The following MB21D2 variants were observed in gnomAD, a reference collection of about 807,000 sequenced individuals.
MB21D2 encodes the protein nucleotidyltransferase MB21D2.
A neutral mutation model predicts 33.3 loss-of-function variants in MB21D2; 9 were observed. That is an observed-to-expected ratio of 0.27 (90% CI 0.16 to 0.47). The LOEUF is 0.47. Ranked by LOEUF, MB21D2 falls within the 20% of genes least tolerant of loss-of-function variation. The pLI is 0.99. For synonymous variants in MB21D2, 241 were observed against 236.3 expected, an observed-to-expected ratio of 1.02 and a Z score of -0.18; for missense variants, 540 against 624.6, an observed-to-expected ratio of 0.86 and a Z score of 1.44.
chr3:192,870,471 G>C (rs1013001475), intron 1 of MB21D2, among the ~76,000 whole-genome samples: 1 of 151,860 alleles, frequency 6.6e-6, no homozygotes, highest in Non-Finnish European at 1.5e-5. Context: ...TGGGTGGATC[G>C]CTTGAGGTCA....
rs1560223239 is a variant in MB21D2 at position 192,797,974 on chromosome 3, G to C, written c.*412C>G. ...AGTGGTGAAAGCTCATAAGAAAAAAGACAAAAACAAAATAATAAAAATAAT... is the reference window on the plus strand; with the variant it reads ...AGTGGTGAAAGCTCATAAGAAAAAACACAAAAACAAAATAATAAAAATAAT... On this transcript the variant is annotated 3_prime_UTR_variant, in exon 2 of 2. Coordinates refer to ENST00000392452, the MANE Select transcript of MB21D2 (RefSeq NM_178496.4). 1 of 156,830 alleles carries C rather than the reference G, an allele frequency of 6.4e-6. No homozygotes were observed. The allele number at this position is 156,830 out of a possible 1,614,324, so 9.7% of individuals were successfully genotyped here.
At chr3:192,886,496 C>A (rs1351517920) in intron 1 of MB21D2, among the ~76,000 whole-genome samples, 2 of 152,122 alleles carry the variant, frequency 1.3e-5, no homozygotes, top group African/African-American at 4.8e-5. Context: ...TGCTACATTT[C>A]CTTCGGGCTT....
At chr3:192,822,392 T>C (rs1379772368) in intron 1 of MB21D2, among the ~76,000 whole-genome samples, 5 of 152,134 alleles carry the variant, frequency 3.3e-5, no homozygotes, top group African/African-American at 9.7e-5. Context: ...TCAACAGGCA[T>C]GGAGGCAGAG....
At chr3:192,800,783 AAC>A (rs1711549438) in intron 1 of MB21D2, among the ~76,000 whole-genome samples, 1 of 152,232 alleles carries the variant, frequency 6.6e-6, no homozygotes, top group Admixed American at 6.5e-5. Context: ...TACTTTAAAG[AAC>A]AACAGAAAAC....
intron 1 of MB21D2, among the ~76,000 whole-genome samples, chr3:192,873,920 G>A (rs751512412): frequency 3.9e-5 from 6 of 152,138 alleles, no homozygotes; most frequent in African/African-American, 7.2e-5. Flanking sequence ...GGCGAGTCTC[G>A]AACTCCTGAC....
chr3:192,812,930 G>A (rs1470109783), intron 1 of MB21D2, among the ~76,000 whole-genome samples: 1 of 152,102 alleles, frequency 6.6e-6, no homozygotes, highest in Non-Finnish European at 1.5e-5. Context: ...CCCAAAAACT[G>A]CCAGGAGATG....
At chr3:192,804,800 A>G (rs181483505) in intron 1 of MB21D2, among the ~76,000 whole-genome samples, 97 of 152,292 alleles carry the variant, frequency 6.4e-4, no homozygotes, top group Middle Eastern at 6.8e-3. Flanking sequence ...AAACCTTCCT[A>G]TAAAAATATT....
chr3:192,883,680 G>A (rs1267361009), intron 1 of MB21D2, among the ~76,000 whole-genome samples: 2 of 152,212 alleles, frequency 1.3e-5, no homozygotes, highest in African/African-American at 4.8e-5. Context: ...GGTGGGATCA[G>A]TAGACCAAAA....
chr3:192,859,118 C>T lies in MB21D2; in HGVS notation c.211+58512G>A, dbSNP rs116066459. The stretch of plus-strand genomic sequence containing the variant: ...CTCCAACAGCGTCACACAAAGCCCA[C>T]GGACCCAGAGGGATCCTGATCCATC... On this transcript the variant is annotated intron_variant, in intron 1 of 1. Coordinates refer to ENST00000392452, the MANE Select transcript of MB21D2 (RefSeq NM_178496.4). Among the ~76,000 whole-genome samples the T allele has an allele frequency of 2.4e-3, 365 of 152,298 alleles. 2 individuals carry two copies. Among genetic ancestry groups the T allele is most frequent in the African/African-American group, 8.5e-3 (355 of 41,564 alleles).
At chr3:192,872,464 T>C (rs1713327931) in intron 1 of MB21D2, among the ~76,000 whole-genome samples, 1 of 151,448 alleles carries the variant, frequency 6.6e-6, no homozygotes, top group Non-Finnish European at 1.5e-5. Flanking sequence ...TAGTCCCAGC[T>C]ACTCGGGAGG....
chr3:192,866,586 A>C (rs1713173233), intron 1 of MB21D2, among the ~76,000 whole-genome samples: 1 of 152,230 alleles, frequency 6.6e-6, no homozygotes, highest in Non-Finnish European at 1.5e-5. Flanking sequence ...GTAGACATGC[A>C]CGTACACATC....
At chr3:192,810,209 G>T (rs1350118354) in intron 1 of MB21D2, among the ~76,000 whole-genome samples, 1 of 152,138 alleles carries the variant, frequency 6.6e-6, no homozygotes, top group Non-Finnish European at 1.5e-5. Flanking sequence ...GGGACATGAA[G>T]AAAGAATTCT....
intron 1 of MB21D2, among the ~76,000 whole-genome samples, chr3:192,804,205 C>G (rs191611653): frequency 1.1e-3 from 173 of 152,270 alleles, no homozygotes; most frequent in Admixed American, 2.5e-3. Flanking sequence ...GACTTATGTT[C>G]TAGTGAATAA....
At chr3:192,914,130 T>C (rs1041700825) in intron 1 of MB21D2, among the ~76,000 whole-genome samples, 3 of 152,148 alleles carry the variant, frequency 2.0e-5, no homozygotes, top group Non-Finnish European at 4.4e-5. Flanking sequence ...AAGAGGAACA[T>C]GTTTTAGAGT....
At chr3:192,866,822 T>G (rs1713178055) in intron 1 of MB21D2, among the ~76,000 whole-genome samples, 1 of 152,162 alleles carries the variant, frequency 6.6e-6, no homozygotes, top group Admixed American at 6.5e-5. Flanking sequence ...TTAATTGGAT[T>G]TCTGACCAAT....
intron 1 of MB21D2, among the ~76,000 whole-genome samples, chr3:192,904,341 C>T (rs534450735): frequency 3.0e-4 from 46 of 152,292 alleles, no homozygotes; most frequent in African/African-American, 1.1e-3. Context: ...AAGAACTTTC[C>T]TGAAAGTATT....
intron 1 of MB21D2, among the ~76,000 whole-genome samples, chr3:192,872,810 C>T (rs953812322): frequency 6.6e-6 from 1 of 152,006 alleles, no homozygotes; most frequent in African/African-American, 2.4e-5. Flanking sequence ...AGGTCCCCAC[C>T]CTATGTCTTT....
chr3:192,866,603 T>C (rs1212608939), intron 1 of MB21D2, among the ~76,000 whole-genome samples: 1 of 152,236 alleles, frequency 6.6e-6, no homozygotes, highest in Non-Finnish European at 1.5e-5. Context: ...CATCCACATT[T>C]AATTCTGAAT....
chr3:192,859,194 A>T (rs1422610163), intron 1 of MB21D2, among the ~76,000 whole-genome samples: 3 of 152,290 alleles, frequency 2.0e-5, no homozygotes, highest in Admixed American at 6.5e-5. Context: ...CCTCAATGAG[A>T]AGAGCAGCAA....
Sources: allele counts gnomAD v4.1 joint callset (sites outside exome capture counted in the v4.1 genomes callset), GRCh38; gene constraint gnomAD v4.1.1; transcripts MANE v1.5; gene names NCBI Gene and HGNC (gene_info 2026-07-23, HGNC 2026-07-21).